TAF2: variants seen among roughly 807,000 people sequenced by gnomAD.
The protein encoded by TAF2 is transcription initiation factor TFIID subunit 2.
Under a neutral mutation model 138.5 loss-of-function variants are expected in TAF2, and 61 were observed. That is an observed-to-expected ratio of 0.44 (90% CI 0.36 to 0.54). TAF2 has a LOEUF of 0.54. Among genes scored for constraint, TAF2 ranks in the 20% least tolerant of loss-of-function variants. TAF2 has a pLI of 0.00. For synonymous variants in TAF2, 475 were observed against 469.9 expected, an observed-to-expected ratio of 1.01 and a Z score of -0.14; for missense variants, 1,090 against 1,427.9, an observed-to-expected ratio of 0.76 and a Z score of 3.81.
At chr8:119,821,191 C>T (rs1374491912) in intron 2 of TAF2, among the ~76,000 whole-genome samples, 1 of 152,224 alleles carries the variant, frequency 6.6e-6, no homozygotes, top group Non-Finnish European at 1.5e-5. Flanking sequence ...CTCTAACCTA[C>T]AGCTGCCTGA....
chr8:119,774,244 C>T (rs1411642638), intron 18 of TAF2, among the ~76,000 whole-genome samples: 1 of 152,064 alleles, frequency 6.6e-6, no homozygotes, highest in Non-Finnish European at 1.5e-5. Context: ...ATAAGTTACT[C>T]ATCACAGTAT....
At chr8:119,758,971 C>T (rs1181204892) in intron 20 of TAF2, among the ~76,000 whole-genome samples, 1 of 151,996 alleles carries the variant, frequency 6.6e-6, no homozygotes, top group Non-Finnish European at 1.5e-5. Flanking sequence ...TTTGAAAATC[C>T]TAATATTAGT....
At chr8:119,748,917 TAA>T (rs112030672) in intron 22 of TAF2, among the ~76,000 whole-genome samples, 1 of 125,760 alleles carries the variant, frequency 8.0e-6, no homozygotes. Context: ...TTTTATCAGT[TAA>T]AAAAAAAAAA....
At chr8:119,806,782 T>C (rs1046516992) in intron 3 of TAF2, among the ~76,000 whole-genome samples, 34 of 152,226 alleles carry the variant, frequency 2.2e-4, no homozygotes, top group African/African-American at 7.9e-4. Context: ...AGCATTTTCT[T>C]AAATATCATT....
At chr8:119,764,177 C>T (rs918117411) in intron 18 of TAF2, among the ~76,000 whole-genome samples, 1 of 152,022 alleles carries the variant, frequency 6.6e-6, no homozygotes, top group Non-Finnish European at 1.5e-5. Context: ...AATAAAAATA[C>T]ATAAATATAG....
chr8:119,796,631 T>C (rs1823844914), intron 8 of TAF2, among the ~76,000 whole-genome samples: 3 of 152,124 alleles, frequency 2.0e-5, no homozygotes, highest in Non-Finnish European at 4.4e-5. Context: ...TAGAATTCAT[T>C]CAGTTCTTTA....
Position 119,732,269 on chromosome 8 carries a change from T to C in TAF2, c.3338-83A>G, listed in dbSNP as rs1217851290. ...AAGAAAGAGGAAGCTGATGACAGTA[T>C]GTAAAGAGGGATTCCTAAGTTTTTA... On this transcript the variant is annotated intron_variant, in intron 25 of 25. Coordinates refer to ENST00000378164, the MANE Select transcript of TAF2 (RefSeq NM_003184.4). 3.8e-6 allele frequency: 5 copies of C among 1,302,238 alleles called. No homozygotes were observed. In the East Asian group the frequency reaches 9.2e-5, roughly 24 times the overall value. The allele number at this position is 1,302,238 out of a possible 1,614,324, so 80.7% of individuals were successfully genotyped here.
intron 18 of TAF2, among the ~76,000 whole-genome samples, chr8:119,769,886 T>C (rs1586376494): frequency 6.6e-6 from 1 of 151,658 alleles, no homozygotes. Context: ...GCCCCCCAAG[T>C]AGCTGGGACT....
chr8:119,811,173 G>A (rs1825027612), intron 3 of TAF2, among the ~76,000 whole-genome samples: 1 of 152,052 alleles, frequency 6.6e-6, no homozygotes, highest in Non-Finnish European at 1.5e-5. Flanking sequence ...AAATGCTATA[G>A]AGAGATATTG....
At chr8:119,753,681 A>G (rs947832720) in intron 22 of TAF2, among the ~76,000 whole-genome samples, 10 of 152,194 alleles carry the variant, frequency 6.6e-5, no homozygotes, top group Non-Finnish European at 1.3e-4. Context: ...TGTACAATCA[A>G]ACCTTCCAAT....
At chr8:119,829,344 C>T (rs1435196605) in intron 2 of TAF2, among the ~76,000 whole-genome samples, 1 of 152,132 alleles carries the variant, frequency 6.6e-6, no homozygotes, top group Non-Finnish European at 1.5e-5. Flanking sequence ...GACACAGGTC[C>T]TACAAGGTGA....
chr8:119,746,828 A>G lies in TAF2; in HGVS notation c.2985T>C (p.Val995=). Residue 995 remains valine (V), a synonymous_variant, in exon 23 of 26, where the codon GTT becomes GTC. Transcript: ENST00000378164. The part of the protein sequence containing the change: ...SCLPLPELGL[V]LNLKEKKAVL... ...CAGCTTTTTTCTCCTTTAGATTAAG[A>G]ACCAACCCAAGCTCTGGCAAGGGTA... 6.2e-7 allele frequency: 1 copy of G among 1,614,148 alleles called. No individual in the cohort carries two copies. The highest frequency in any genetic ancestry group is 1.1e-5 in the South Asian group (1 of 91,072).
At chr8:119,771,745 G>A (rs1464797851) in intron 18 of TAF2, among the ~76,000 whole-genome samples, 1 of 151,996 alleles carries the variant, frequency 6.6e-6, no homozygotes, top group African/African-American at 2.4e-5. Flanking sequence ...AATAGTGGTG[G>A]ACTTCAACAC....
At chr8:119,799,413 T>C (rs1477352988) in intron 6 of TAF2, among the ~76,000 whole-genome samples, 1 of 152,120 alleles carries the variant, frequency 6.6e-6, no homozygotes, top group Non-Finnish European at 1.5e-5. Context: ...GGTGTTTGGT[T>C]TTTTGTCCTT....
chr8:119,774,575 G>C (rs1822090590), intron 18 of TAF2, among the ~76,000 whole-genome samples: 1 of 151,712 alleles, frequency 6.6e-6, no homozygotes, highest in African/African-American at 2.4e-5. Context: ...TTCCAATGTG[G>C]ACCAGGGAAG....
chr8:119,827,527 A>G (rs1826179973), intron 2 of TAF2, among the ~76,000 whole-genome samples: 1 of 152,140 alleles, frequency 6.6e-6, no homozygotes, highest in African/African-American at 2.4e-5. Context: ...AAACTTATGC[A>G]TTTTATCTTG....
chr8:119,820,737 G>GT (rs1300268895), intron 2 of TAF2, among the ~76,000 whole-genome samples: 1 of 152,194 alleles, frequency 6.6e-6, no homozygotes, highest in African/African-American at 2.4e-5. Context: ...TAGAGATTCT[G>GT]TAGCCCCTTT....
At chr8:119,813,662 A>C (rs1457428711) in intron 3 of TAF2, among the ~76,000 whole-genome samples, 1 of 152,256 alleles carries the variant, frequency 6.6e-6, no homozygotes, top group African/African-American at 2.4e-5. Flanking sequence ...GGAATGGTTG[A>C]GAGTAATCTC....
At chr8:119,812,372 T>C (rs1226868632) in intron 3 of TAF2, among the ~76,000 whole-genome samples, 1 of 152,060 alleles carries the variant, frequency 6.6e-6, no homozygotes, top group Non-Finnish European at 1.5e-5. Flanking sequence ...AAGTGGTTTT[T>C]GGTTACATAG....
Sources: gnomAD v4.1 joint callset for allele counts (sites outside exome capture counted in the v4.1 genomes callset) on GRCh38, gnomAD v4.1.1 for gene constraint, MANE v1.5 for transcripts, NCBI Gene and HGNC (gene_info 2026-07-23, HGNC 2026-07-21) for gene names.